Variants in ZNF107 observed in about 807,000 individuals in gnomAD.
The protein encoded by ZNF107 is C2H2 type zinc-finger protein.
ZNF107 carries 19 observed loss-of-function variants against 12.3 expected under a neutral mutation model. The observed-to-expected ratio is 1.55, with a 90% confidence interval of 1.08 to 2.27. The LOEUF is 2.27. Ranked by LOEUF, ZNF107 falls within the 30% of genes most tolerant of loss-of-function variation. ZNF107 has a pLI of 0.00. For synonymous variants in ZNF107, 317 were observed against 330.5 expected (o/e 0.96, Z 0.44); for missense variants, 958 against 979.9 (o/e 0.98, Z 0.30).
Position 64,709,335 on chromosome 7 carries a change from A to G in ZNF107, c.*679A>G. Reference sequence around the variant, plus strand: ...GGCAATGCCTTTAACTGGTCCTCACACCTTGCTACATATAAGACAGTTTAT... The same window carrying G: ...GGCAATGCCTTTAACTGGTCCTCACGCCTTGCTACATATAAGACAGTTTAT... On this transcript the variant is annotated 3_prime_UTR_variant, in exon 4 of 4. Transcript: ENST00000620827. The G allele has an allele frequency of 2.9e-6, 1 of 345,274 alleles. No homozygotes were observed. The highest frequency in any genetic ancestry group is 5.6e-6 in the Non-Finnish European group (1 of 177,494). 21.4% of individuals were successfully genotyped at this position (345,274 alleles called of 1,614,324 possible). A position where few individuals can be genotyped will look rare whatever the true frequency, so the allele number is the denominator to read the frequency against.
rs1790703785 is a variant in ZNF107 at position 64,707,490 on chromosome 7, CA to C, written c.1394del (p.His465ProfsTer4). 5 of 1,610,782 alleles carry C rather than the reference CA, an allele frequency of 3.1e-6. No homozygotes were observed. In the South Asian group the frequency reaches 5.5e-5, roughly 18 times the overall value. The stretch of plus-strand genomic sequence containing the variant: ...AGAATGTGGCAAAGCTTTTAACCAA[CA>C]CTCAAACCTAATTAACCATAGGAAA... ...CEECGKAFNQ[H>X]SNLINHRKIY... On this transcript the variant is annotated frameshift_variant, in exon 4 of 4. Transcript: ENST00000620827. LOFTEE classifies it low-confidence loss of function (END_TRUNC).
chr7:64,707,765 G>A lies in ZNF107; in HGVS notation c.1668G>A (p.Lys556=). The part of the protein sequence containing the change: ...FNRFSTLTKH[K]RIHTGEKPYK... ...GATTCTCAACCCTTACTAAACATAA[G>A]AGAATTCATACTGGAGAAAAACCCT... is the stretch of plus-strand genomic sequence containing the variant. The change falls in exon 4 of 4, where the codon AAG becomes AAA. Residue 556 remains lysine, a synonymous_variant. Transcript: ENST00000620827. 6.2e-7 allele frequency: 1 copy of A among 1,612,254 alleles called. No individual in the cohort carries two copies. Among genetic ancestry groups the A allele is most frequent in the South Asian group, 1.1e-5 (1 of 90,888 alleles).
In ZNF107 at chr7:64,705,553, T is replaced by C. The variant is rs141633568; in HGVS notation, c.227-771T>C. ...ATACGTTGTAATCTTTAATTGAAAT[T>C]TGGAAATTAAAAACAAGTTGTCCAT... On this transcript the variant is annotated intron_variant, in intron 3 of 3. Transcript: ENST00000620827. Among the ~76,000 whole-genome samples, 191 of 152,304 alleles carry C rather than the reference T, an allele frequency of 1.3e-3. 1 individual carries two copies. Among genetic ancestry groups the C allele is most frequent in the African/African-American group, 4.4e-3 (184 of 41,570 alleles).
intron 1 of ZNF107, among the ~76,000 whole-genome samples, chr7:64,675,083 C>A (rs545225888): frequency 1.3e-5 from 2 of 152,110 alleles, no homozygotes; most frequent in Admixed American, 1.3e-4. Context: ...TGTTATATCT[C>A]TGTCAGGTTT....
Position 64,708,876 on chromosome 7 carries a change from T to C in ZNF107, c.*220T>C, listed in dbSNP as rs1790792999. The C allele has an allele frequency of 4.9e-6, 3 of 615,432 alleles. No individual in the cohort carries two copies. Among genetic ancestry groups the C allele is most frequent in the Non-Finnish European group, 8.6e-6 (3 of 349,904 alleles). 38.1% of individuals were successfully genotyped at this position (615,432 alleles called of 1,614,324 possible). ...AGAAAATTCGTACTGGAGAGAATCCTACAAATGTGAAAAATGTGGCAAATC... is the reference window on the plus strand; with the variant it reads ...AGAAAATTCGTACTGGAGAGAATCCCACAAATGTGAAAAATGTGGCAAATC... On this transcript the variant is annotated 3_prime_UTR_variant, in exon 4 of 4. Coordinates refer to ENST00000620827, the MANE Select transcript of ZNF107 (RefSeq NM_001282359.2).
At chr7:64,690,898 C>T (rs754382685) in intron 1 of ZNF107, among the ~76,000 whole-genome samples, 3 of 152,134 alleles carry the variant, frequency 2.0e-5, no homozygotes, top group Non-Finnish European at 2.9e-5. Flanking sequence ...TGTGCCACTG[C>T]ACCCTGCTAA....
Position 64,706,571 on chromosome 7 carries a change from A to G in ZNF107, c.474A>G (p.Ser158=). Residue 158 remains serine, a synonymous_variant, in exon 4 of 4, where the codon TCA becomes TCG. Coordinates refer to ENST00000620827, the MANE Select transcript of ZNF107 (RefSeq NM_001282359.2). ...NKYVKVFDKF[S]NSNRYKRRHT... ...ATGTGAAAGTCTTTGATAAATTTTCAAATTCAAATAGATATAAGAGAAGAC... is the reference window on the plus strand; with the variant it reads ...ATGTGAAAGTCTTTGATAAATTTTCGAATTCAAATAGATATAAGAGAAGAC... The G allele has an allele frequency of 6.2e-7, 1 of 1,607,040 alleles. No individual in the cohort carries two copies. The highest frequency in any genetic ancestry group is 8.5e-7 in the Non-Finnish European group (1 of 1,177,808).
rs1172238765 is a variant in ZNF107 at position 64,666,228 on chromosome 7, T to C, written c.-55T>C. 51 of 1,601,422 alleles carry C rather than the reference T, an allele frequency of 3.2e-5. No individual in the cohort carries two copies. The highest frequency in any genetic ancestry group is 4.3e-5 in the Non-Finnish European group (50 of 1,172,448). On this transcript the variant is annotated 5_prime_UTR_variant, in exon 1 of 4. Transcript: ENST00000620827. ...GCCCAGCCTCTGTGTCCCTGTGACC[T>C]GCAGATATTGGGAGATCCACAGCTA...
rs1388944041 is a variant in ZNF107 at position 64,709,150 on chromosome 7, T to C, written c.*494T>C. ...ACAATTGTGAAGAATGTGGCAAAGC[T>C]TTTAACCTTCCTTAACCCTTAACTG... On this transcript the variant is annotated 3_prime_UTR_variant, in exon 4 of 4. Coordinates refer to ENST00000620827, the MANE Select transcript of ZNF107 (RefSeq NM_001282359.2). The C allele has an allele frequency of 4.4e-6, 2 of 459,622 alleles. No homozygotes were observed. Among genetic ancestry groups the C allele is most frequent in the Admixed American group, 5.2e-5 (2 of 38,328 alleles). The allele number at this position is 459,622 out of a possible 1,614,324, so 28.5% of individuals were successfully genotyped here.
chr7:64,698,920 CATT>C (rs1478133533), intron 3 of ZNF107, among the ~76,000 whole-genome samples: 3 of 152,036 alleles, frequency 2.0e-5, no homozygotes. Context: ...CAGTTCTCAA[CATT>C]ATTTTTTGAA....
chr7:64,693,259 C>T (rs1267474230), intron 3 of ZNF107, among the ~76,000 whole-genome samples: 4 of 149,726 alleles, frequency 2.7e-5, no homozygotes, highest in African/African-American at 4.9e-5. Flanking sequence ...ATGATCTGCC[C>T]GTCTCGGCCT....
At chr7:64,683,827 G>A (rs1004430554) in intron 1 of ZNF107, among the ~76,000 whole-genome samples, 2 of 152,094 alleles carry the variant, frequency 1.3e-5, no homozygotes, top group African/African-American at 4.8e-5. Context: ...TCACTCATAT[G>A]CCTCGTGTCA....
At chr7:64,666,373 A>G (rs1789001940) in intron 1 of ZNF107, 88 bp downstream of exon 1, 6 of 1,540,592 alleles carry the variant, frequency 3.9e-6, no homozygotes, top group Admixed American at 1.8e-5. Context: ...TCGGGCCTCC[A>G]AAGTCCGCGG....
chr7:64,686,682 A>C, intron 1 of ZNF107: 24 of 972,514 alleles, frequency 2.5e-5, no homozygotes, highest in Non-Finnish European at 2.9e-5. Context: ...ACCTGCAACA[A>C]CCAAAAACCA....
rs1482702937 is a variant in ZNF107 at position 64,710,415 on chromosome 7, ATAATT to A, written c.*1764_*1768del. 4.6e-5 allele frequency: 7 copies of A among 152,348 alleles called. No homozygotes were observed. Among genetic ancestry groups the A allele is most frequent in the East Asian group, 1.9e-4 (1 of 5,192 alleles). 9.4% of individuals were successfully genotyped at this position (152,348 alleles called of 1,614,324 possible). ...TTTTGCAAGTGAAGTAAATATAAAAATAATTTAATCCAAAATTAAGTCTATATAAA... is the reference window on the plus strand; with the variant it reads ...TTTTGCAAGTGAAGTAAATATAAAAATAATCCAAAATTAAGTCTATATAAA... On this transcript the variant is annotated 3_prime_UTR_variant, in exon 4 of 4. Coordinates refer to ENST00000620827, the MANE Select transcript of ZNF107 (RefSeq NM_001282359.2).
At position 64,707,013 on chromosome 7, in the gene ZNF107, C is replaced by T; in HGVS notation, c.916C>T (p.Leu306Phe). The change falls in exon 4 of 4, where the codon CTT (leucine) becomes TTT (phenylalanine). Residue 306 changes from leucine (L) to phenylalanine (F), a missense_variant. Transcript: ENST00000620827. ...CTCACACCTTACTACACAAAAGATA[C>T]TTCACACTGGAGAGAACCTCTACAA... ...QSSHLTTQKILHTGENLYKCK... is the reference protein window; with the variant it reads ...QSSHLTTQKIFHTGENLYKCK... 3 of 1,612,630 alleles carry T rather than the reference C, an allele frequency of 1.9e-6. No homozygotes were observed. The highest frequency in any genetic ancestry group is 1.7e-6 in the Non-Finnish European group (2 of 1,179,500).
At position 64,679,300 on chromosome 7, in the gene ZNF107, C is replaced by G. The variant is rs1053994670; in HGVS notation, c.4-11948C>G. ...CCACCCGCGACCTCGGTACCTCGGA[C>G]CAGCTCTGTAAAAGCCCCGCCTCTG... On this transcript the variant is annotated intron_variant, in intron 1 of 3. Transcript: ENST00000620827. The G allele has an allele frequency of 1.0e-5, 10 of 985,038 alleles. No individual in the cohort carries two copies. The African/African-American group carries it at 1.6e-4, about 16-fold the overall frequency. 61.0% of individuals were successfully genotyped at this position (985,038 alleles called of 1,614,324 possible).
intron 3 of ZNF107, among the ~76,000 whole-genome samples, chr7:64,695,035 A>T (rs1790241522): frequency 6.6e-6 from 1 of 151,960 alleles, no homozygotes; most frequent in Admixed American, 6.6e-5. Context: ...TATATATTAG[A>T]GACTCTAACC....
rs866259844 is a variant in ZNF107 at position 64,708,187 on chromosome 7, G to T, written c.2090G>T (p.Arg697Ile). 14 of 1,611,772 alleles carry T rather than the reference G, an allele frequency of 8.7e-6. No individual in the cohort carries two copies. The African/African-American group carries it at 1.9e-4, about 22-fold the overall frequency. Residue 697 changes from arginine to isoleucine, a missense_variant, in exon 4 of 4, where the codon AGA becomes ATA. By Grantham distance (97) the Arg-to-Ile change is moderately conservative (BLOSUM62 -3). Coordinates refer to ENST00000620827, the MANE Select transcript of ZNF107 (RefSeq NM_001282359.2). ...NRFSNLTIHKRIHTGEKPYQC... is the reference protein window; with the variant it reads ...NRFSNLTIHKIIHTGEKPYQC... ...TTCTCAAACCTAACTATACATAAGA[G>T]AATTCATACGGGAGAGAAACCTTAC...
Sources: gnomAD v4.1 joint callset for allele counts (sites outside exome capture counted in the v4.1 genomes callset) on GRCh38, gnomAD v4.1.1 for gene constraint, MANE v1.5 for transcripts, NCBI Gene and HGNC (gene_info 2026-07-23, HGNC 2026-07-21) for gene names.